The following DLGAP1 variants were observed in gnomAD, a reference collection of about 807,000 sequenced individuals.
The protein encoded by DLGAP1 is DLG associated protein 1, also known as disks large-associated protein 1.
A neutral mutation model predicts 90.8 loss-of-function variants in DLGAP1; 11 were observed. The observed-to-expected ratio is 0.12, with a 90% CI of 0.08 to 0.20. The LOEUF (loss-of-function observed/expected upper bound fraction) is 0.20, where lower values mean the gene tolerates loss of function less well. Ranked by LOEUF, DLGAP1 falls within the 10% of genes least tolerant of loss-of-function variation. The pLI, the probability that DLGAP1 is intolerant of heterozygous loss-of-function variation, is 1.00. For synonymous variants in DLGAP1, 558 were observed against 540.7 expected (o/e 1.03, Z -0.44); for missense variants, 1,050 against 1,333.8 (o/e 0.79, Z 3.31).
chr18:3,851,637 T>C (rs924277272), intron 4 of DLGAP1, among the ~76,000 whole-genome samples: 2 of 152,068 alleles, frequency 1.3e-5, no homozygotes, highest in African/African-American at 2.4e-5. Context: ...ATAACAAACC[T>C]GCACAATATC....
intron 9 of DLGAP1, among the ~76,000 whole-genome samples, chr18:3,561,204 T>C: frequency 6.8e-6 from 1 of 146,900 alleles, no homozygotes; most frequent in Non-Finnish European, 1.5e-5. Flanking sequence ...TCACCAGAGA[T>C]TAGGAGTTTG....
chr18:3,829,551 GA>G (rs966970506), intron 4 of DLGAP1, among the ~76,000 whole-genome samples: 13 of 150,740 alleles, frequency 8.6e-5, no homozygotes, highest in African/African-American at 2.9e-4. Context: ...AAGAGAACAG[GA>G]AAAAAAAAGA....
At chr18:3,668,190 G>T (rs568304491) in intron 7 of DLGAP1, among the ~76,000 whole-genome samples, 1 of 152,128 alleles carries the variant, frequency 6.6e-6, no homozygotes, top group Non-Finnish European at 1.5e-5. Context: ...CCCCCTTGAG[G>T]CATATTTTCC....
chr18:3,802,772 G>A (rs1191892206), intron 5 of DLGAP1, among the ~76,000 whole-genome samples: 2 of 152,132 alleles, frequency 1.3e-5, no homozygotes, highest in African/African-American at 2.4e-5. Flanking sequence ...CTCCCTCAGG[G>A]CATTTAGCAG....
chr18:3,996,407 G>A (rs1002552717), intron 3 of DLGAP1, among the ~76,000 whole-genome samples: 1 of 151,842 alleles, frequency 6.6e-6, no homozygotes, highest in African/African-American at 2.4e-5. Context: ...AAACTTTTAC[G>A]TATGCTTGTA....
In DLGAP1 at chr18:3,711,531, T is replaced by C. The variant is rs977086690; in HGVS notation, c.1591+17604A>G. On this transcript the variant is annotated intron_variant, in intron 7 of 12. Transcript: ENST00000315677. The surrounding 1 kb of genome is among the most constrained non-coding windows in gnomAD (Gnocchi z 4.0). ...CACCCAGATCATCAGCTGTGTTGAC[T>C]GTGGTGAGGAATAAGACAGAAATCC... 2.6e-5 allele frequency among the ~76,000 whole-genome samples: 4 copies of C among 152,124 alleles called. No individual in the cohort carries two copies. The highest frequency in any genetic ancestry group is 6.5e-5 in the Admixed American group (1 of 15,280).
intron 11 of DLGAP1, among the ~76,000 whole-genome samples, chr18:3,506,540 G>A (rs1158367263): frequency 1.1e-4 from 11 of 102,846 alleles, no homozygotes; most frequent in African/African-American, 1.0e-4. Context: ...AAAAAAAAGT[G>A]GAACTCCATG....
intron 7 of DLGAP1, chr18:3,603,943 A>C (rs929749877): frequency 6.5e-6 from 1 of 154,412 alleles, no homozygotes; most frequent in African/African-American, 2.4e-5. Context: ...GGTGGAAGCT[A>C]TGAAAAGAGG....
chr18:4,311,478 A>T (rs1037412494), intron 1 of DLGAP1, among the ~76,000 whole-genome samples: 1 of 152,216 alleles, frequency 6.6e-6, no homozygotes, highest in Non-Finnish European at 1.5e-5. Context: ...AAATGTTAAT[A>T]CCAGGTTTTT....
chr18:3,788,963 C>A (rs1348813501), intron 5 of DLGAP1, among the ~76,000 whole-genome samples: 1 of 152,330 alleles, frequency 6.6e-6, no homozygotes, highest in East Asian at 1.9e-4. Context: ...CTAATTGTTT[C>A]ATTTTCAAAC....
intron 3 of DLGAP1, among the ~76,000 whole-genome samples, chr18:3,927,134 A>C (rs1172290424): frequency 6.6e-6 from 1 of 152,248 alleles, no homozygotes; most frequent in East Asian, 1.9e-4. Context: ...AAATGAATGT[A>C]GAATAGTAAT....
intron 2 of DLGAP1, among the ~76,000 whole-genome samples, chr18:4,060,637 CACA>C (rs1163514915): frequency 6.6e-6 from 1 of 152,128 alleles, no homozygotes; most frequent in Non-Finnish European, 1.5e-5. Flanking sequence ...ACAGAACTTG[CACA>C]ACAACTTGCA....
intron 2 of DLGAP1, among the ~76,000 whole-genome samples, chr18:4,132,112 T>A (rs2076326312): frequency 6.6e-6 from 1 of 152,206 alleles, no homozygotes; most frequent in South Asian, 2.1e-4. Flanking sequence ...GACTATTTCC[T>A]AGTCACTTTG....
chr18:3,994,762 CT>C (rs2149059913), intron 3 of DLGAP1, among the ~76,000 whole-genome samples: 1 of 152,284 alleles, frequency 6.6e-6, no homozygotes, highest in South Asian at 2.1e-4. Context: ...TCCAAAAAGA[CT>C]TCAAGAATTG....
At chr18:3,533,259 GAAAGA>G (rs2052131801) in intron 10 of DLGAP1, among the ~76,000 whole-genome samples, 1 of 152,158 alleles carries the variant, frequency 6.6e-6, no homozygotes. Flanking sequence ...TCTGAAAAAA[GAAAGA>G]AAAGAATAGT....
intron 9 of DLGAP1, among the ~76,000 whole-genome samples, chr18:3,550,730 G>GA (rs2053343783): frequency 8.0e-6 from 1 of 125,448 alleles, no homozygotes; most frequent in Admixed American, 9.7e-5. Flanking sequence ...TCCAGAACCA[G>GA]ACCCTTTTTT....
intron 4 of DLGAP1, 133 bp downstream of exon 4, chr18:3,878,979 A>C (rs2071073722): frequency 4.3e-6 from 3 of 699,528 alleles, no homozygotes; most frequent in Non-Finnish European, 6.4e-6. Flanking sequence ...CGGCACAGAG[A>C]TGCCGAATAA....
At chr18:3,808,651 T>C (rs1047344439) in intron 5 of DLGAP1, among the ~76,000 whole-genome samples, 4 of 152,112 alleles carry the variant, frequency 2.6e-5, no homozygotes, top group Non-Finnish European at 2.9e-5. Context: ...TTCATATCTT[T>C]GGGGAAAAAA....
intron 3 of DLGAP1, among the ~76,000 whole-genome samples, chr18:3,927,688 CT>C (rs2148922996): frequency 6.6e-6 from 1 of 152,212 alleles, no homozygotes; most frequent in South Asian, 2.1e-4. Context: ...TGAATTATTC[CT>C]TTATATTCAT....
Sources: gnomAD v4.1 joint callset for allele counts (sites outside exome capture counted in the v4.1 genomes callset) on GRCh38, gnomAD v4.1.1 for gene constraint, Gnocchi (gnomAD v3.1) non-coding constraint, MANE v1.5 for transcripts, NCBI Gene and HGNC (gene_info 2026-07-23, HGNC 2026-07-21) for gene names.